TTC28: variants seen among roughly 807,000 people sequenced by gnomAD.
TTC28 encodes tetratricopeptide repeat protein 28.
Under a neutral mutation model 198.0 loss-of-function variants are expected in TTC28, and 61 were observed. The observed-to-expected ratio is 0.31, with a 90% CI of 0.25 to 0.38. TTC28 has a LOEUF of 0.38. Ranked by LOEUF, TTC28 falls within the 10% of genes least tolerant of loss-of-function variation. The pLI is 1.00. For missense variants in TTC28, 2,678 were observed against 3,164.0 expected, an observed-to-expected ratio of 0.85 and a Z score of 3.69; for synonymous variants, 1,171 against 1,297.8, an observed-to-expected ratio of 0.90 and a Z score of 2.10.
intron 2 of TTC28, among the ~76,000 whole-genome samples, chr22:28,534,983 C>A (rs1031672987): frequency 9.2e-5 from 14 of 151,936 alleles, no homozygotes; most frequent in African/African-American, 3.4e-4. Flanking sequence ...GGGTGCAGCA[C>A]ACCAACATGG....
At chr22:28,112,801 G>GT (rs149882190) in intron 6 of TTC28, among the ~76,000 whole-genome samples, 2 of 152,292 alleles carry the variant, frequency 1.3e-5, no homozygotes, top group Non-Finnish European at 2.9e-5. Flanking sequence ...CAGCAGGGGC[G>GT]TGCTAGGTGA....
intron 12 of TTC28, among the ~76,000 whole-genome samples, chr22:28,076,884 G>T (rs939839830): frequency 1.3e-5 from 2 of 152,092 alleles, no homozygotes; most frequent in Non-Finnish European, 2.9e-5. Context: ...CCTGAGGTAG[G>T]TCCCATCCCT....
intron 2 of TTC28, among the ~76,000 whole-genome samples, chr22:28,482,305 G>A (rs552588494): frequency 5.7e-5 from 8 of 141,212 alleles, no homozygotes; most frequent in South Asian, 4.6e-4. Context: ...TCCGCCTCCC[G>A]GGTTCACGCC....
At chr22:28,013,948 G>C (rs2146582904) in intron 14 of TTC28, among the ~76,000 whole-genome samples, 1 of 152,288 alleles carries the variant, frequency 6.6e-6, no homozygotes, top group Middle Eastern at 3.4e-3. Flanking sequence ...ATTTCATTTT[G>C]TACATGAGGT....
chr22:27,996,717 G>A (rs1258549222), intron 16 of TTC28, among the ~76,000 whole-genome samples: 1 of 152,048 alleles, frequency 6.6e-6, no homozygotes, highest in Non-Finnish European at 1.5e-5. Context: ...AGACCAACTG[G>A]GCTGAGGAGC....
chr22:28,566,299 C>T (rs1014656757), intron 2 of TTC28, among the ~76,000 whole-genome samples: 4 of 152,056 alleles, frequency 2.6e-5, no homozygotes, highest in East Asian at 1.9e-4. Flanking sequence ...CACATAGGGA[C>T]GACCCTGTAG....
At chr22:28,388,610 G>C (rs1372449667) in intron 2 of TTC28, among the ~76,000 whole-genome samples, 2 of 152,264 alleles carry the variant, frequency 1.3e-5, no homozygotes, top group East Asian at 3.9e-4. Flanking sequence ...TGAAGCAATT[G>C]TGAATGGGAG....
intron 2 of TTC28, among the ~76,000 whole-genome samples, chr22:28,511,605 G>A (rs974110467): frequency 1.3e-5 from 2 of 152,098 alleles, no homozygotes; most frequent in African/African-American, 4.8e-5. Context: ...GGATCACGAG[G>A]TCAGGAGTTC....
intron 2 of TTC28, among the ~76,000 whole-genome samples, chr22:28,516,163 G>A (rs372176845): frequency 9.3e-5 from 14 of 151,228 alleles, no homozygotes; most frequent in African/African-American, 2.7e-4. Flanking sequence ...AAAAAAAGCT[G>A]AGTGAATTCA....
At chr22:28,563,758 C>T (rs2049927409) in intron 2 of TTC28, among the ~76,000 whole-genome samples, 2 of 152,260 alleles carry the variant, frequency 1.3e-5, no homozygotes, top group South Asian at 2.1e-4. Context: ...AAGAGTCAAA[C>T]ATAGAATTAC....
chr22:28,462,594 G>A (rs1308776871), intron 2 of TTC28, among the ~76,000 whole-genome samples: 5 of 152,116 alleles, frequency 3.3e-5, no homozygotes, highest in Non-Finnish European at 7.3e-5. Flanking sequence ...GACAACAACT[G>A]CAACCTAAGA....
intron 5 of TTC28, among the ~76,000 whole-genome samples, chr22:28,288,546 G>A (rs568391651): frequency 3.3e-5 from 5 of 152,180 alleles, no homozygotes; most frequent in South Asian, 2.1e-4. Context: ...GGTGGCTCAC[G>A]CCTGTAATCC....
At chr22:28,608,694 A>G (rs1332176487) in intron 2 of TTC28, among the ~76,000 whole-genome samples, 2 of 152,162 alleles carry the variant, frequency 1.3e-5, no homozygotes, top group Non-Finnish European at 2.9e-5. Context: ...GAAGGCTAAG[A>G]GTTGTAATCT....
chr22:28,192,840 G>C (rs183039504), intron 5 of TTC28, among the ~76,000 whole-genome samples: 1 of 152,302 alleles, frequency 6.6e-6, no homozygotes, highest in East Asian at 1.9e-4. Flanking sequence ...GTGACTGAGA[G>C]AATGCAAACA....
chr22:28,509,954 A>G (rs941813325), intron 2 of TTC28, among the ~76,000 whole-genome samples: 8 of 152,188 alleles, frequency 5.3e-5, no homozygotes, highest in African/African-American at 1.9e-4. Context: ...TCCTGGACAC[A>G]TGCACTCTCC....
Position 28,107,343 on chromosome 22 carries a change from GGCT to G in TTC28, c.2499_2501del (p.Glu833_Ala834delinsAsp), listed in dbSNP as rs1304286808. 6.4e-7 allele frequency: 1 copy of G among 1,551,894 alleles called. No individual in the cohort carries two copies. Among genetic ancestry groups the G allele is most frequent in the African/African-American group, 1.4e-5 (1 of 73,138 alleles). ...TGATGCCCATGTTGCCATAGACCTG[GGCT>G]TCCAGACTCGGATCCTTCAGCTTTT... On this transcript the variant is annotated inframe_deletion, in exon 7 of 23. Coordinates refer to ENST00000397906, the MANE Select transcript of TTC28 (RefSeq NM_001145418.2).
At chr22:28,057,775 G>A (rs1940347798) in intron 12 of TTC28, among the ~76,000 whole-genome samples, 1 of 151,964 alleles carries the variant, frequency 6.6e-6, no homozygotes, top group Admixed American at 6.6e-5. Context: ...TTTTGTGCTT[G>A]GTATGAGGTA....
chr22:28,332,705 C>T (rs1297075749), intron 2 of TTC28, among the ~76,000 whole-genome samples: 1 of 152,094 alleles, frequency 6.6e-6, no homozygotes, highest in Non-Finnish European at 1.5e-5. Context: ...TTTATATCCA[C>T]ATTTAAATGC....
intron 5 of TTC28, among the ~76,000 whole-genome samples, chr22:28,234,221 T>C (rs1219630915): frequency 3.3e-5 from 5 of 151,870 alleles, no homozygotes; most frequent in Non-Finnish European, 5.9e-5. Flanking sequence ...TTTTGTATTT[T>C]AGTAGAGATG....
Sources: allele counts gnomAD v4.1 joint callset (sites outside exome capture counted in the v4.1 genomes callset), GRCh38; gene constraint gnomAD v4.1.1; transcripts MANE v1.5; gene names NCBI Gene and HGNC (gene_info 2026-07-23, HGNC 2026-07-21).